Variants in GRIP1 observed in about 807,000 individuals in gnomAD.
GRIP1 encodes glutamate receptor-interacting protein 1.
In GRIP1, 45 loss-of-function variants were observed where a neutral mutation model predicts 129.9. The ratio of observed to expected loss-of-function variants is 0.35; its 90% CI spans 0.27 to 0.44. The LOEUF is 0.44. Among genes scored for constraint, GRIP1 ranks in the 20% least tolerant of loss-of-function variants. GRIP1 has a pLI of 1.00. For missense variants in GRIP1, 1,196 were observed against 1,396.8 expected, an observed-to-expected ratio of 0.86 and a Z score of 2.29; for synonymous variants, 530 against 520.8, an observed-to-expected ratio of 1.02 and a Z score of -0.24.
chr12:66,527,879 T>C (rs943037816), intron 5 of GRIP1, among the ~76,000 whole-genome samples: 3 of 151,914 alleles, frequency 2.0e-5, no homozygotes, highest in Admixed American at 6.6e-5. Context: ...TGATGATTAC[T>C]TGGATGACAA....
chr12:66,554,985 A>G (rs376075579), intron 2 of GRIP1, among the ~76,000 whole-genome samples: 5 of 152,232 alleles, frequency 3.3e-5, no homozygotes, highest in African/African-American at 1.2e-4. Flanking sequence ...CCTGAAGGGA[A>G]CTCTTCACCC....
chr12:66,381,028 T>C (rs57584347), intron 19 of GRIP1, among the ~76,000 whole-genome samples: 2,424 of 152,224 alleles, frequency 0.016, 66 homozygotes, highest in African/African-American at 0.055. Context: ...TCTCTCCACC[T>C]GTTGTCGAAG....
chr12:66,817,243 CAT>C lies in GRIP1; in HGVS notation c.59-220318_59-220317del, dbSNP rs1370049722. On this transcript the variant is annotated intron_variant, in intron 1 of 1. Coordinates refer to the GRIP1 transcript ENST00000643019. Reference sequence around the variant, plus strand: ...ACACACACACACACACACACACACACATATATATTTCCCACGGACTATTTCAT... The same window carrying C: ...ACACACACACACACACACACACACACATATATTTCCCACGGACTATTTCAT... 9.7e-3 allele frequency among the ~76,000 whole-genome samples: 1,277 copies of C among 132,196 alleles called. 10 individuals are homozygous for C. The highest frequency in any genetic ancestry group is 0.012 in the Admixed American group (165 of 13,498). The allele number at this position is 132,196 out of a possible 152,430, so 86.7% of individuals were successfully genotyped here.
intron 22 of GRIP1, among the ~76,000 whole-genome samples, chr12:66,375,428 G>C (rs1426891967): frequency 1.3e-5 from 2 of 152,038 alleles, no homozygotes; most frequent in Non-Finnish European, 2.9e-5. Flanking sequence ...TTTAATGCTG[G>C]ATGTAAATTT....
At chr12:66,954,835 T>C (rs1190376568) in intron 1 of GRIP1, among the ~76,000 whole-genome samples, 4 of 151,568 alleles carry the variant, frequency 2.6e-5, no homozygotes, top group African/African-American at 9.7e-5. Context: ...TAGAAGGAGA[T>C]ACGTGCTATG....
At chr12:66,557,826 G>A (rs538565014) in intron 2 of GRIP1, among the ~76,000 whole-genome samples, 1 of 152,102 alleles carries the variant, frequency 6.6e-6, no homozygotes, top group East Asian at 1.9e-4. Flanking sequence ...GCAGCACTAA[G>A]AGGGAAGTTA....
At chr12:66,808,420 C>G (rs932954859), upstream of GRIP1, among the ~76,000 whole-genome samples, 1 of 152,090 alleles carries the variant, frequency 6.6e-6, no homozygotes, top group Non-Finnish European at 1.5e-5. Context: ...GCCTCAGCCT[C>G]CCGAGTAGCT....
At chr12:66,567,102 G>T (rs2062793084) in intron 2 of GRIP1, among the ~76,000 whole-genome samples, 1 of 152,132 alleles carries the variant, frequency 6.6e-6, no homozygotes, top group African/African-American at 2.4e-5. Flanking sequence ...TTTTTTGAAG[G>T]TTTTTTTGTG....
intron 1 of GRIP1, among the ~76,000 whole-genome samples, chr12:66,638,801 TA>T (rs2031655179): frequency 6.6e-6 from 1 of 152,170 alleles, no homozygotes; most frequent in Admixed American, 6.5e-5. Context: ...GCTTTACTTG[TA>T]ACACACACAA....
intron 1 of GRIP1, among the ~76,000 whole-genome samples, chr12:66,817,630 C>G (rs897375395): frequency 2.2e-4 from 34 of 152,012 alleles, no homozygotes; most frequent in African/African-American, 7.7e-4. Flanking sequence ...GCTGGCTGGT[C>G]TCGAACTCCT....
chr12:66,382,236 T>G (rs112906204), intron 19 of GRIP1, among the ~76,000 whole-genome samples: 2,421 of 152,016 alleles, frequency 0.016, 66 homozygotes, highest in African/African-American at 0.055. Context: ...CTCCAAAAAA[T>G]AAAAGTAACT....
rs151308388 is a variant in GRIP1, at chr12:66,618,033, T to C, written c.56-21106A>G. ...ACTACTGTGATTTATCTTACAGATA[T>C]GTCTTCCCATGTACATAATAAATAT... On this transcript the variant is annotated intron_variant, in intron 1 of 24. Transcript: ENST00000359742. Among the ~76,000 whole-genome samples, 477 of 152,286 alleles carry C rather than the reference T, an allele frequency of 3.1e-3. 3 individuals carry two copies. Among genetic ancestry groups the C allele is most frequent in the African/African-American group, 0.011 (458 of 41,572 alleles).
intron 23 of GRIP1, among the ~76,000 whole-genome samples, chr12:66,364,287 A>AAAAAG (rs1565667504): frequency 1.3e-4 from 16 of 125,914 alleles, no homozygotes; most frequent in South Asian, 2.6e-4. Context: ...AAAAAAAAAA[A>AAAAAG]AAAGAAAGAA....
intron 1 of GRIP1, among the ~76,000 whole-genome samples, chr12:66,827,187 G>C (rs1053274263): frequency 2.0e-5 from 3 of 152,056 alleles, no homozygotes; most frequent in African/African-American, 7.2e-5. Context: ...CTCTTTGTCG[G>C]ATCTCTCAAG....
intron 1 of GRIP1, among the ~76,000 whole-genome samples, chr12:66,795,419 T>A (rs1433040176): frequency 6.6e-6 from 1 of 152,158 alleles, no homozygotes; most frequent in Non-Finnish European, 1.5e-5. Flanking sequence ...TTAGCAGTAA[T>A]CAAAAGCACC....
At chr12:66,903,595 AG>A (rs764414380) in intron 1 of GRIP1, among the ~76,000 whole-genome samples, 2 of 152,144 alleles carry the variant, frequency 1.3e-5, no homozygotes, top group African/African-American at 2.4e-5. Flanking sequence ...TTCTGTTTGA[AG>A]GGGAGGTAGG....
At chr12:66,836,856 G>A (rs949231828) in intron 1 of GRIP1, among the ~76,000 whole-genome samples, 1 of 152,156 alleles carries the variant, frequency 6.6e-6, no homozygotes, top group Non-Finnish European at 1.5e-5. Flanking sequence ...ATTTGAAGAG[G>A]AGGATGTTTA....
intron 14 of GRIP1, among the ~76,000 whole-genome samples, chr12:66,431,756 T>A (rs1459937960): frequency 6.6e-6 from 1 of 152,190 alleles, no homozygotes; most frequent in Admixed American, 6.5e-5. Context: ...AGTCTATGGA[T>A]ATTAAAAGCC....
chr12:67,043,659 T>G (rs563085274), intron 1 of GRIP1, among the ~76,000 whole-genome samples: 1 of 152,190 alleles, frequency 6.6e-6, no homozygotes, highest in South Asian at 2.1e-4. Context: ...CTCCCACCCC[T>G]TCTCCCAATA....
Sources: gnomAD v4.1 joint callset for allele counts (sites outside exome capture counted in the v4.1 genomes callset) on GRCh38, gnomAD v4.1.1 for gene constraint, MANE v1.5 for transcripts, NCBI Gene and HGNC (gene_info 2026-07-23, HGNC 2026-07-21) for gene names.